Variants in SLC35F1 observed in about 807,000 individuals in gnomAD.
The protein encoded by SLC35F1 is chromosome 6 open reading frame 169.
SLC35F1 carries 14 observed loss-of-function variants against 48.7 expected under a neutral mutation model. The ratio of observed to expected loss-of-function variants is 0.29; its 90% CI spans 0.19 to 0.45. The LOEUF is 0.45. Ranked by LOEUF, SLC35F1 falls within the 20% of genes least tolerant of loss-of-function variation. SLC35F1 has a pLI of 1.00. For synonymous variants in SLC35F1, 190 were observed against 202.2 expected, an observed-to-expected ratio of 0.94 and a Z score of 0.51; for missense variants, 404 against 500.0, an observed-to-expected ratio of 0.81 and a Z score of 1.83.
intron 1 of SLC35F1, among the ~76,000 whole-genome samples, chr6:117,923,620 T>TACATATATACATATGC (rs1554216667): frequency 1.1e-4 from 3 of 27,200 alleles, no homozygotes; most frequent in Non-Finnish European, 2.1e-4. Context: ...TATACATATG[T>TACATATATACATATGC]ATATATACAT....
intron 2 of SLC35F1, among the ~76,000 whole-genome samples, chr6:118,172,837 A>T (rs1236686571): frequency 6.6e-6 from 1 of 152,166 alleles, no homozygotes; most frequent in Admixed American, 6.6e-5. Flanking sequence ...CATTTATTTA[A>T]GCCACAGCTC....
intron 2 of SLC35F1, among the ~76,000 whole-genome samples, chr6:118,161,883 CAG>C (rs1220134191): frequency 6.6e-6 from 1 of 152,196 alleles, no homozygotes; most frequent in Non-Finnish European, 1.5e-5. Context: ...AACTTCCTCC[CAG>C]TAGGTAGAGC....
At chr6:117,922,910 G>A (rs1304824943) in intron 1 of SLC35F1, among the ~76,000 whole-genome samples, 1 of 152,196 alleles carries the variant, frequency 6.6e-6, no homozygotes, top group East Asian at 1.9e-4. Context: ...TATCACTAGA[G>A]AGTTGGAAGC....
At chr6:118,249,410 A>C (rs755340855) in intron 3 of SLC35F1, among the ~76,000 whole-genome samples, 1 of 152,256 alleles carries the variant, frequency 6.6e-6, no homozygotes, top group Non-Finnish European at 1.5e-5. Context: ...TGTCTGCCCA[A>C]ATAGATGCAC....
chr6:118,173,987 A>G (rs1774449571), intron 2 of SLC35F1, among the ~76,000 whole-genome samples: 1 of 152,164 alleles, frequency 6.6e-6, no homozygotes, highest in African/African-American at 2.4e-5. Context: ...CTCTCAAATT[A>G]TTTGAAGACA....
intron 1 of SLC35F1, among the ~76,000 whole-genome samples, chr6:117,937,308 C>G (rs1366932252): frequency 6.6e-6 from 1 of 152,210 alleles, no homozygotes; most frequent in Non-Finnish European, 1.5e-5. Flanking sequence ...AGGCAGCGCA[C>G]TACGAGGAGT....
intron 1 of SLC35F1, among the ~76,000 whole-genome samples, chr6:118,127,484 T>C (rs1773644466): frequency 6.6e-6 from 1 of 152,096 alleles, no homozygotes. Flanking sequence ...ATCAGGATGA[T>C]GCTGGCCTCA....
At chr6:118,056,590 A>T (rs1043335405) in intron 1 of SLC35F1, among the ~76,000 whole-genome samples, 1 of 152,220 alleles carries the variant, frequency 6.6e-6, no homozygotes, top group Admixed American at 6.5e-5. Context: ...CAGTTCTTCA[A>T]CTCAAATCTG....
chr6:118,294,184 T>C (rs968587192), intron 7 of SLC35F1, among the ~76,000 whole-genome samples: 1 of 152,246 alleles, frequency 6.6e-6, no homozygotes, highest in Non-Finnish European at 1.5e-5. Flanking sequence ...CTAGATGTAC[T>C]GCTTAACAAT....
intron 2 of SLC35F1, among the ~76,000 whole-genome samples, chr6:118,180,962 G>T (rs1774566639): frequency 6.6e-6 from 1 of 151,842 alleles, no homozygotes; most frequent in African/African-American, 2.4e-5. Flanking sequence ...ACAAAGGAAA[G>T]ATAAAGACTA....
At position 118,275,471 on chromosome 6, in the gene SLC35F1, T is replaced by A; in HGVS notation, c.650T>A (p.Leu217Gln). The change falls in exon 5 of 8, where the codon CTG becomes CAG. Residue 217 changes from leucine (L) to glutamine (Q), a missense_variant. Physicochemically the swap from Leu to Gln is moderately radical, Grantham distance 113. Coordinates refer to ENST00000360388, the MANE Select transcript of SLC35F1 (RefSeq NM_001029858.4). ...GGTTGGTTCCTAGGGGAAAATAAGC[T>A]GGTAGGGGACCTTCTGGTCTTAGGA... ...GRHQGAGENK[L>Q]VGDLLVLGGA... 1 of 1,611,498 alleles carries A rather than the reference T, an allele frequency of 6.2e-7. No individual in the cohort carries two copies. The highest frequency in any genetic ancestry group is 8.5e-7 in the Non-Finnish European group (1 of 1,178,938).
chr6:117,914,035 A>G (rs948456199), intron 1 of SLC35F1, among the ~76,000 whole-genome samples: 7 of 152,144 alleles, frequency 4.6e-5, no homozygotes, highest in African/African-American at 1.7e-4. Context: ...TGGGCAACAG[A>G]GTGAAACTCC....
intron 2 of SLC35F1, among the ~76,000 whole-genome samples, chr6:118,229,691 T>C (rs1300991088): frequency 6.6e-6 from 1 of 152,236 alleles, no homozygotes; most frequent in Non-Finnish European, 1.5e-5. Flanking sequence ...TTGTCATCTG[T>C]ATGTGGAGTT....
chr6:117,977,253 A>G (rs1410941458), intron 1 of SLC35F1, among the ~76,000 whole-genome samples: 2 of 150,248 alleles, frequency 1.3e-5, no homozygotes, highest in Non-Finnish European at 3.0e-5. Context: ...CTGGAGTGCA[A>G]TGGTGCGATC....
In SLC35F1 at chr6:118,039,270, T is replaced by C. The variant is rs79923744; in HGVS notation, c.174-115175T>C. On this transcript the variant is annotated intron_variant, in intron 1 of 7. Transcript: ENST00000360388. Reference sequence around the variant, plus strand: ...TAACATATCATTTTTCTCTAGTTCATGTCAAGATTTTTTTTTCTTTACGTT... The same window carrying C: ...TAACATATCATTTTTCTCTAGTTCACGTCAAGATTTTTTTTTCTTTACGTT... Among the ~76,000 whole-genome samples the C allele has an allele frequency of 4.2e-3, 639 of 152,066 alleles. 6 individuals carry two copies. The highest frequency in any genetic ancestry group is 0.015 in the African/African-American group (615 of 41,418).
chr6:118,161,309 A>C (rs1179155461), intron 2 of SLC35F1, among the ~76,000 whole-genome samples: 4 of 152,132 alleles, frequency 2.6e-5, no homozygotes, highest in African/African-American at 9.7e-5. Flanking sequence ...GTCAAAAAAA[A>C]AAAAAGCAGT....
intron 2 of SLC35F1, among the ~76,000 whole-genome samples, chr6:118,211,051 A>C (rs1774995294): frequency 6.6e-6 from 1 of 152,228 alleles, no homozygotes; most frequent in African/African-American, 2.4e-5. Context: ...TTAGAACACG[A>C]AGGAAAATAC....
intron 1 of SLC35F1, among the ~76,000 whole-genome samples, chr6:118,075,577 C>A (rs1772806619): frequency 6.6e-6 from 1 of 152,178 alleles, no homozygotes. Context: ...GTACTTACAG[C>A]CCCATTTGTA....
At chr6:118,228,588 G>A (rs912146367) in intron 2 of SLC35F1, among the ~76,000 whole-genome samples, 5 of 152,032 alleles carry the variant, frequency 3.3e-5, no homozygotes, top group Admixed American at 3.3e-4. Context: ...CAGCTACTTG[G>A]GAGGCTGAGG....
Sources: gnomAD v4.1 joint callset for allele counts (sites outside exome capture counted in the v4.1 genomes callset) on GRCh38, gnomAD v4.1.1 for gene constraint, MANE v1.5 for transcripts, NCBI Gene and HGNC (gene_info 2026-07-23, HGNC 2026-07-21) for gene names.